The following WNK4 variants were observed in gnomAD, a reference collection of about 807,000 sequenced individuals.
WNK4 encodes the protein serine/threonine-protein kinase WNK4.
In WNK4, 94 loss-of-function variants were observed where a neutral mutation model predicts 116.2. That is an observed-to-expected ratio of 0.81 (90% confidence interval 0.68 to 0.96). WNK4 has a LOEUF of 0.96. WNK4 is among the 40% of genes least tolerant of loss of function. The pLI is 0.00. For missense variants in WNK4, 1,542 were observed against 1,650.6 expected (o/e 0.93, Z 1.14); for synonymous variants, 655 against 672.7 (o/e 0.97, Z 0.41).
rs960713079 is a variant in WNK4, at chr17:42,780,611, G to A, written c.-88G>A. 80 of 1,553,510 alleles carry A rather than the reference G, an allele frequency of 5.1e-5. No homozygotes were observed. In the African/African-American group the frequency reaches 1.0e-3, roughly 20 times the overall value. On this transcript the variant is annotated 5_prime_UTR_variant, in exon 1 of 19. Transcript: ENST00000246914. The stretch of plus-strand genomic sequence containing the variant: ...GGCTGGGGCCGCAGCCGCTCAGCCG[G>A]AGCGCAGCGCACCCAGCGAGTCCGT...
chr17:42,787,831 G>A lies in WNK4; in HGVS notation c.1795G>A (p.Asp599Asn). The stretch of plus-strand genomic sequence containing the variant: ...CTCCTCCGGCTTCCTGGATGCCTCA[G>A]ACCCTGCCCTTCAGCCCCCTGGGGG... ...LSSSGFLDASDPALQPPGGVP... is the reference protein window; with the variant it reads ...LSSSGFLDASNPALQPPGGVP... The change falls in exon 8 of 19, where the codon GAC becomes AAC. Residue 599 changes from aspartate (D) to asparagine (N), a missense_variant. Coordinates refer to ENST00000246914, the MANE Select transcript of WNK4 (RefSeq NM_032387.5). 6.2e-7 allele frequency: 1 copy of A among 1,612,520 alleles called. No homozygotes were observed. Among genetic ancestry groups the A allele is most frequent in the Non-Finnish European group, 8.5e-7 (1 of 1,180,000 alleles).
rs375185444 is a variant in WNK4, at chr17:42,785,082, C to T, written c.1171-15C>T. 2.5e-6 allele frequency: 4 copies of T among 1,609,482 alleles called. No individual in the cohort carries two copies. The Admixed American group carries it at 6.8e-5, about 27-fold the overall frequency. On this transcript the variant is annotated splice_polypyrimidine_tract_variant and intron_variant, in intron 4 of 18. Transcript: ENST00000246914. ...GGATCAGAGGACGGGAGGTGTCATGCAACCCCTTCCCCAGGGCAGAAAGCC... is the reference window on the plus strand; with the variant it reads ...GGATCAGAGGACGGGAGGTGTCATGTAACCCCTTCCCCAGGGCAGAAAGCC...
chr17:42,780,944 C>A lies in WNK4; in HGVS notation c.246C>A (p.Asp82Glu), dbSNP rs373427674. The A allele has an allele frequency of 3.0e-5, 48 of 1,608,978 alleles. No individual in the cohort carries two copies. The highest frequency in any genetic ancestry group is 4.0e-5 in the Non-Finnish European group (47 of 1,179,520). ...CCCTGCCAGCCTCACCCGCTCCGGA[C>A]CCCCCCGATCCTCCGGACTCCGCTG... ...SWSLPASPAPDPPDPPDSAGP... is the reference protein window; with the variant it reads ...SWSLPASPAPEPPDPPDSAGP... The change falls in exon 1 of 19, where the codon GAC becomes GAA. Residue 82 changes from aspartate (D) to glutamate (E), a missense_variant. Asp to Glu is a conservative substitution (Grantham distance 45). This residue lies in a region of WNK4 where 243 missense variants were observed against 217.8 expected (regional missense o/e 1.12). Transcript: ENST00000246914.
Position 42,796,789 on chromosome 17 carries a change from A to G in WNK4, c.*101A>G. 1 of 1,613,598 alleles carries G rather than the reference A, an allele frequency of 6.2e-7. No individual in the cohort carries two copies. The highest frequency in any genetic ancestry group is 8.5e-7 in the Non-Finnish European group (1 of 1,179,652). On this transcript the variant is annotated 3_prime_UTR_variant, in exon 19 of 19. Coordinates refer to ENST00000246914, the MANE Select transcript of WNK4 (RefSeq NM_032387.5). ...TCTGATCAACAAAACTGAGCAAGGA[A>G]GATCCCAACACTGAAGGGGTAGAAG...
rs2054557845 is a variant in WNK4, at chr17:42,787,152, C to T, written c.1477-126C>T. 3 of 1,371,036 alleles carry T rather than the reference C, an allele frequency of 2.2e-6. No homozygotes were observed. The Admixed American group carries it at 5.9e-5, about 27-fold the overall frequency. The allele number at this position is 1,371,036 out of a possible 1,614,324, so 84.9% of individuals were successfully genotyped here. ...ATGTAAGGAGCTGCCAGTTAACAGA[C>T]ATAGTGGGTAATCAGTAAGTGTTGG... On this transcript the variant is annotated intron_variant, in intron 6 of 18. Transcript: ENST00000246914.
intron 1 of WNK4, among the ~76,000 whole-genome samples, chr17:42,781,960 TC>T (rs2054488070): frequency 6.6e-6 from 1 of 152,160 alleles, no homozygotes; most frequent in Non-Finnish European, 1.5e-5. Context: ...TGCTCTCCCT[TC>T]CCAGACCTAA....
chr17:42,793,262 A>G (rs1388492404), intron 11 of WNK4, among the ~76,000 whole-genome samples: 1 of 152,186 alleles, frequency 6.6e-6, no homozygotes, highest in East Asian at 1.9e-4. Context: ...TCAGTCGTCC[A>G]GGCTGGAGTG....
rs777488788 is a variant in WNK4, at chr17:42,783,904, C to T, written c.792-33C>T. 3.8e-6 allele frequency: 6 copies of T among 1,592,808 alleles called. No homozygotes were observed. In the African/African-American group the frequency reaches 6.7e-5, roughly 18 times the overall value. On this transcript the variant is annotated intron_variant, in intron 2 of 18. Coordinates refer to ENST00000246914, the MANE Select transcript of WNK4 (RefSeq NM_032387.5). ...GCTCCTTCCCGGAGGACGTGTCCCC[C>T]CACCAGGACTCTGGCTATGCGCCCT...
Position 42,795,690 on chromosome 17 carries a change from C to A in WNK4, c.3088C>A (p.Pro1030Thr). Residue 1030 changes from proline (P) to threonine (T), a missense_variant, in exon 16 of 19, where the codon CCC becomes ACC. By Grantham distance (38) the Pro-to-Thr change is conservative (BLOSUM62 -1). Transcript: ENST00000246914. ...TSSKEPAEPL[P>T]LQPTSPTLSG... ...ATCCAAGGAACCGGCTGAGCCTCTT[C>A]CCTTGCAGCCAACATCCCCCACTCT... is the stretch of plus-strand genomic sequence containing the variant. The A allele has an allele frequency of 1.2e-6, 2 of 1,613,292 alleles. No individual in the cohort carries two copies. Among genetic ancestry groups the A allele is most frequent in the Non-Finnish European group, 1.7e-6 (2 of 1,180,030 alleles).
chr17:42,793,104 GCAC>G (rs2054622313), intron 11 of WNK4, among the ~76,000 whole-genome samples: 1 of 152,194 alleles, frequency 6.6e-6, no homozygotes, highest in Non-Finnish European at 1.5e-5. Context: ...ATGAATGTTA[GCAC>G]CTTTCCTTCT....
In WNK4 at chr17:42,795,633, C is replaced by T; in HGVS notation, c.3031C>T (p.Pro1011Ser). 1 of 1,613,830 alleles carries T rather than the reference C, an allele frequency of 6.2e-7. No homozygotes were observed. The highest frequency in any genetic ancestry group is 8.5e-7 in the Non-Finnish European group (1 of 1,180,048). ...TCCTCGTCGCCCTACAGAGGGAAAG[C>T]CGCAGCTTGTTGGGCGTTTCCAAGT... Reference protein sequence around the residue: ...RLAPISEEGKPQLVGRFQVTS... With the variant: ...RLAPISEEGKSQLVGRFQVTS... The change falls in exon 16 of 19, where the codon CCG becomes TCG. Residue 1011 changes from proline (P) to serine (S), a missense_variant. By Grantham distance (74) the Pro-to-Ser change is moderately conservative (BLOSUM62 -1). Around this residue, in one of 7 missense-constraint regions of WNK4, gnomAD observed 292 missense variants for 290.1 expected, o/e 1.01. Coordinates refer to ENST00000246914, the MANE Select transcript of WNK4 (RefSeq NM_032387.5).
In WNK4 at chr17:42,780,740, C is replaced by G; in HGVS notation, c.42C>G (p.Ser14=). 6.2e-7 allele frequency: 1 copy of G among 1,609,056 alleles called. No individual in the cohort carries two copies. The highest frequency in any genetic ancestry group is 8.5e-7 in the Non-Finnish European group (1 of 1,179,550). Residue 14 remains serine, a synonymous_variant, in exon 1 of 19, where the codon TCC becomes TCG. Coordinates refer to ENST00000246914, the MANE Select transcript of WNK4 (RefSeq NM_032387.5). ...SPATETTVLM[S]QTEADLALRP... is the part of the protein sequence containing the mutation. ...CCACGGAGACCACCGTCCTCATGTC[C>G]CAGACTGAGGCCGACCTGGCCCTGC...
chr17:42,796,108 TC>T lies in WNK4; in HGVS notation c.3432-13del. The T allele has an allele frequency of 6.2e-7, 1 of 1,613,984 alleles. No homozygotes were observed. Among genetic ancestry groups the T allele is most frequent in the Non-Finnish European group, 8.5e-7 (1 of 1,179,988 alleles). The stretch of plus-strand genomic sequence containing the variant: ...GTGTGTGGCTAGCCCTTTCATGCCC[TC>T]CGTGCATCCTCAGGCACTTGTCAGA... On this transcript the variant is annotated splice_polypyrimidine_tract_variant and intron_variant, in intron 16 of 18. Transcript: ENST00000246914.
chr17:42,791,376 C>T (rs1220851610), intron 11 of WNK4, among the ~76,000 whole-genome samples: 3 of 152,210 alleles, frequency 2.0e-5, no homozygotes, highest in Non-Finnish European at 4.4e-5. Context: ...TGGTGGCTCA[C>T]GCCTGTAATC....
rs939015209 is a variant in WNK4 at position 42,784,819 on chromosome 17, C to T, written c.1170+240C>T. Among the ~76,000 whole-genome samples the T allele has an allele frequency of 6.6e-5, 10 of 152,132 alleles. No homozygotes were observed. Among genetic ancestry groups the T allele is most frequent in the South Asian group, 2.1e-4 (1 of 4,830 alleles). On this transcript the variant is annotated intron_variant, in intron 4 of 18. Coordinates refer to ENST00000246914, the MANE Select transcript of WNK4 (RefSeq NM_032387.5). The surrounding 1 kb of genome is among the most constrained non-coding windows in gnomAD (Gnocchi z 4.4). ...AATGATTTCGCATCCCATCTCTCAT[C>T]CAATCCTTCCAGCTGCCCTGTGAGG...
At position 42,784,449 on chromosome 17, in the gene WNK4, T is replaced by A. The variant is rs756427814; in HGVS notation, c.1040T>A (p.Met347Lys). ...IGTPEFMAPE[M>K]YEEKYDEAVD... The stretch of plus-strand genomic sequence containing the variant: ...ACCCCGGAATTCATGGCCCCCGAGA[T>A]GTACGAGGAAAAGTACGATGAGGCC... The change falls in exon 4 of 19, where the codon ATG (methionine) becomes AAG (lysine). Residue 347 changes from methionine to lysine, a missense_variant. Coordinates refer to ENST00000246914, the MANE Select transcript of WNK4 (RefSeq NM_032387.5). This position sits in a 1 kb window ranked among gnomAD's most constrained non-coding sequence, Gnocchi z 4.4. 3 of 1,613,154 alleles carry A rather than the reference T, an allele frequency of 1.9e-6. No individual in the cohort carries two copies. The South Asian group carries it at 3.3e-5, about 18-fold the overall frequency.
chr17:42,795,069 C>A lies in WNK4; in HGVS notation c.2648C>A (p.Ser883Tyr). ...CCACTCTCTCAGTGTCCCTGGAGTT[C>A]TCTCCCCACGACTTCTCCACCTACG... ...PVPLSQCPWS[S>Y]LPTTSPPTFS... The change falls in exon 14 of 19, where the codon TCT (serine) becomes TAT (tyrosine). Residue 883 changes from serine (S) to tyrosine (Y), a missense_variant. Transcript: ENST00000246914. 1 of 1,614,022 alleles carries A rather than the reference C, an allele frequency of 6.2e-7. No individual in the cohort carries two copies. The highest frequency in any genetic ancestry group is 8.5e-7 in the Non-Finnish European group (1 of 1,179,996).
Position 42,781,091 on chromosome 17 carries a change from A to G in WNK4, c.393A>G (p.Ala131=), listed in dbSNP as rs2054478021. The part of the protein sequence containing the change: ...DSARPELPDS[A]VGPGSREPLR... ...CGCGTCCCGAGCTCCCGGACTCTGC[A>G]GTGGGCCCGGGGTCCAGGGAGCCGC... is the stretch of plus-strand genomic sequence containing the variant. The change falls in exon 1 of 19, where the codon GCA becomes GCG. Residue 131 remains alanine, a synonymous_variant. Coordinates refer to ENST00000246914, the MANE Select transcript of WNK4 (RefSeq NM_032387.5). The G allele has an allele frequency of 6.2e-7, 1 of 1,613,408 alleles. No individual in the cohort carries two copies. The highest frequency in any genetic ancestry group is 8.5e-7 in the Non-Finnish European group (1 of 1,179,784).
rs767434850 is a variant in WNK4 at position 42,781,157 on chromosome 17, G to C, written c.459G>C (p.Glu153Asp). The change falls in exon 1 of 19, where the codon GAG becomes GAC. Residue 153 changes from glutamate (E) to aspartate (D), a missense_variant. By Grantham distance (45) the Glu-to-Asp change is conservative. Coordinates refer to ENST00000246914, the MANE Select transcript of WNK4 (RefSeq NM_032387.5). ...CTGTGGCCCTAGAGCGGCGGCGGGAGCAGGAAGAAAAGGAGGACATGGAGA... is the reference window on the plus strand; with the variant it reads ...CTGTGGCCCTAGAGCGGCGGCGGGACCAGGAAGAAAAGGAGGACATGGAGA... ...PEAVALERRREQEEKEDMETQ... is the reference protein window; with the variant it reads ...PEAVALERRRDQEEKEDMETQ... 1 of 1,614,092 alleles carries C rather than the reference G, an allele frequency of 6.2e-7. No homozygotes were observed. The highest frequency in any genetic ancestry group is 1.1e-5 in the South Asian group (1 of 91,090).
Sources: gnomAD v4.1 joint callset for allele counts (sites outside exome capture counted in the v4.1 genomes callset) on GRCh38, gnomAD v4.1.1 for gene constraint, gnomAD v4.1.1 regional missense constraint, Gnocchi (gnomAD v3.1) non-coding constraint, MANE v1.5 for transcripts, NCBI Gene and HGNC (gene_info 2026-07-23, HGNC 2026-07-21) for gene names.